The following GGACT variants were observed in gnomAD, a reference collection of about 807,000 sequenced individuals.
GGACT encodes the protein gamma-glutamylamine cyclotransferase.
For missense variants in GGACT, 241 were observed against 233.2 expected, an observed-to-expected ratio of 1.03 and a Z score of -0.22; for synonymous variants, 118 against 115.3, an observed-to-expected ratio of 1.02 and a Z score of -0.15.
At chr13:100,577,138 C>A (rs1180781180) in intron 2 of GGACT, among the ~76,000 whole-genome samples, 1 of 152,054 alleles carries the variant, frequency 6.6e-6, no homozygotes, top group Non-Finnish European at 1.5e-5. Context: ...GAAAAATAGG[C>A]CGGGCAGTGG....
chr13:100,569,520 G>A (rs1000399158), intron 2 of GGACT, among the ~76,000 whole-genome samples: 2 of 152,194 alleles, frequency 1.3e-5, no homozygotes, highest in African/African-American at 4.8e-5. Flanking sequence ...GCTGCATAGC[G>A]CATGTGGGCC....
chr13:100,570,261 T>C (rs556200099), intron 2 of GGACT, among the ~76,000 whole-genome samples: 1 of 152,322 alleles, frequency 6.6e-6, no homozygotes, highest in East Asian at 1.9e-4. Flanking sequence ...AATAAAGACA[T>C]ACCTGAGACT....
chr13:100,532,023 G>C lies in GGACT; in HGVS notation c.*107C>G. 2 of 704,180 alleles carry C rather than the reference G, an allele frequency of 2.8e-6. No homozygotes were observed. Among genetic ancestry groups the C allele is most frequent in the South Asian group, 5.0e-5 (1 of 19,932 alleles). 43.6% of individuals were successfully genotyped at this position (704,180 alleles called of 1,614,324 possible). A position where few individuals can be genotyped will look rare whatever the true frequency, so the allele number is the denominator to read the frequency against. ...CTGAAAGATTGGTTCCTTTCCGGCA[G>C]ATTCATTGGAAAGGGCCCTGTTCGG... is the stretch of plus-strand genomic sequence containing the variant. On this transcript the variant is annotated 3_prime_UTR_variant, in exon 3 of 3. Transcript: ENST00000683975.
intron 2 of GGACT, among the ~76,000 whole-genome samples, chr13:100,551,239 A>G (rs1423226888): frequency 3.3e-5 from 5 of 151,886 alleles, no homozygotes; most frequent in East Asian, 3.9e-4. Context: ...AGCCGAGATC[A>G]CGCCACTGCA....
At chr13:100,569,658 C>T (rs1413149708) in intron 2 of GGACT, among the ~76,000 whole-genome samples, 1 of 152,228 alleles carries the variant, frequency 6.6e-6, no homozygotes, top group South Asian at 2.1e-4. Flanking sequence ...TAACATTTGG[C>T]TCTTTGTTAC....
In GGACT at chr13:100,532,073, T is replaced by C; in HGVS notation, c.*57A>G. On this transcript the variant is annotated 3_prime_UTR_variant, in exon 3 of 3. Transcript: ENST00000683975. Reference sequence around the variant, plus strand: ...GCTTCCGCCTTCACCCAGCATGGGCTGGGCGCATCTTGGAGCCCCAGGGCT... The same window carrying C: ...GCTTCCGCCTTCACCCAGCATGGGCCGGGCGCATCTTGGAGCCCCAGGGCT... The C allele has an allele frequency of 1.5e-6, 2 of 1,297,138 alleles. No homozygotes were observed. Among genetic ancestry groups the C allele is most frequent in the Non-Finnish European group, 1.0e-6 (1 of 978,608 alleles). 80.4% of individuals were successfully genotyped at this position (1,297,138 alleles called of 1,614,324 possible). A position where few individuals can be genotyped will look rare whatever the true frequency, so the allele number is the denominator to read the frequency against.
intron 2 of GGACT, among the ~76,000 whole-genome samples, chr13:100,558,572 C>G (rs942461175): frequency 6.6e-6 from 1 of 152,198 alleles, no homozygotes; most frequent in African/African-American, 2.4e-5. Context: ...TACAGCAACT[C>G]TGGAAAGCAG....
intron 2 of GGACT, among the ~76,000 whole-genome samples, chr13:100,544,047 T>G (rs2088580919): frequency 6.6e-6 from 1 of 152,156 alleles, no homozygotes; most frequent in Admixed American, 6.5e-5. Context: ...ACGCAGCCAT[T>G]CTACATGGTG....
At chr13:100,540,785 G>A (rs1447487103) in intron 2 of GGACT, among the ~76,000 whole-genome samples, 1 of 152,204 alleles carries the variant, frequency 6.6e-6, no homozygotes, top group Non-Finnish European at 1.5e-5. Context: ...CACATGAAAA[G>A]TCTATAACAC....
intron 2 of GGACT, among the ~76,000 whole-genome samples, chr13:100,571,804 G>T (rs1046818456): frequency 6.6e-6 from 1 of 152,018 alleles, no homozygotes; most frequent in Non-Finnish European, 1.5e-5. Context: ...TATACATTCT[G>T]GCCCACACAT....
At position 100,577,973 on chromosome 13, in the gene GGACT, C is replaced by T. The variant is rs150349259; in HGVS notation, c.-11+5852G>A. Among the ~76,000 whole-genome samples the T allele has an allele frequency of 6.7e-4, 102 of 152,208 alleles. 1 individual carries two copies. Among genetic ancestry groups the T allele is most frequent in the Admixed American group, 2.9e-3 (45 of 15,274 alleles). On this transcript the variant is annotated intron_variant, in intron 2 of 2. Transcript: ENST00000683975. ...GGGTGGGAATGATATTTTCACTTGCCTTTCTTCACCAGGGGTTCGTTATTT... is the reference window on the plus strand; with the variant it reads ...GGGTGGGAATGATATTTTCACTTGCTTTTCTTCACCAGGGGTTCGTTATTT...
intron 2 of GGACT, among the ~76,000 whole-genome samples, chr13:100,569,854 T>C (rs924917318): frequency 3.3e-5 from 5 of 152,156 alleles, no homozygotes; most frequent in African/African-American, 1.2e-4. Flanking sequence ...GTTCCACAGA[T>C]CTCTAGGGCA....
chr13:100,532,685 C>T lies in GGACT; in HGVS notation c.-10-84G>A. The T allele has an allele frequency of 6.3e-6, 7 of 1,113,758 alleles. No homozygotes were observed. In the South Asian group the frequency reaches 9.3e-5, roughly 15 times the overall value. 69.0% of individuals were successfully genotyped at this position (1,113,758 alleles called of 1,614,324 possible). On this transcript the variant is annotated intron_variant, in intron 2 of 2. Coordinates refer to ENST00000683975, the MANE Select transcript of GGACT (RefSeq NM_001195087.2). ...GGGACGTGGCTCCCGGCCCACAGAG[C>T]CTCCACTGGGGCCGCACCACCTGAA...
chr13:100,563,269 G>A lies in GGACT; in HGVS notation c.-11+20556C>T, dbSNP rs143212575. Among the ~76,000 whole-genome samples, 1,140 of 152,252 alleles carry A rather than the reference G, an allele frequency of 7.5e-3. 15 individuals carry two copies. The highest frequency in any genetic ancestry group is 0.026 in the African/African-American group (1,070 of 41,528). ...TCCACTGATCCAGAACACCCAGCAC[G>A]GGTAAAGCCACAGTGACAGGTAGGG... is the stretch of plus-strand genomic sequence containing the variant. On this transcript the variant is annotated intron_variant, in intron 2 of 2. Transcript: ENST00000683975.
rs184572292 is a variant in GGACT at position 100,585,368 on chromosome 13, C to T, written c.-183-1371G>A. Among the ~76,000 whole-genome samples the T allele has an allele frequency of 7.9e-5, 12 of 152,290 alleles. No homozygotes were observed. The East Asian group carries it at 1.9e-3, about 25-fold the overall frequency. The stretch of plus-strand genomic sequence containing the variant: ...ATCACCCCTGGCTACTTCTGCATGA[C>T]GATGGCAGAGCTGAGCAGTTGTGGC... On this transcript the variant is annotated intron_variant, in intron 1 of 2. Transcript: ENST00000683975.
At chr13:100,540,162 G>A (rs915927285) in intron 2 of GGACT, 22 of 1,575,038 alleles carry the variant, frequency 1.4e-5, no homozygotes, top group Admixed American at 1.3e-4. Context: ...CCTTGGGCAC[G>A]CATCGGGCAC....
In GGACT at chr13:100,532,006, T is replaced by G; in HGVS notation, c.*124A>C. 1 of 574,512 alleles carries G rather than the reference T, an allele frequency of 1.7e-6. No homozygotes were observed. Among genetic ancestry groups the G allele is most frequent in the Non-Finnish European group, 2.8e-6 (1 of 361,318 alleles). 35.6% of individuals were successfully genotyped at this position (574,512 alleles called of 1,614,324 possible). On this transcript the variant is annotated 3_prime_UTR_variant, in exon 3 of 3. Coordinates refer to ENST00000683975, the MANE Select transcript of GGACT (RefSeq NM_001195087.2). ...TGTAAAATCAGCTGCCACTGAAAGA[T>G]TGGTTCCTTTCCGGCAGATTCATTG...
chr13:100,587,281 C>T (rs1212084773), intron 1 of GGACT: 1 of 152,210 alleles, frequency 6.6e-6, no homozygotes, highest in Non-Finnish European at 1.5e-5. Context: ...CTCTTCTATT[C>T]TGCTTACTGC....
chr13:100,578,141 G>A (rs983553935), intron 2 of GGACT, among the ~76,000 whole-genome samples: 1 of 152,172 alleles, frequency 6.6e-6, no homozygotes, highest in Non-Finnish European at 1.5e-5. Flanking sequence ...ACAGGGAAAT[G>A]TCCGAACACC....
Sources: allele counts gnomAD v4.1 joint callset (sites outside exome capture counted in the v4.1 genomes callset), GRCh38; gene constraint gnomAD v4.1.1; transcripts MANE v1.5; gene names NCBI Gene and HGNC (gene_info 2026-07-23, HGNC 2026-07-21).